The following UBXN7 variants were observed in gnomAD, a reference collection of about 807,000 sequenced individuals.
UBXN7 encodes the protein UBX domain protein 7.
UBXN7 carries 9 observed loss-of-function variants against 58.0 expected under a neutral mutation model. That is an observed-to-expected ratio of 0.16 (90% CI 0.09 to 0.27). The LOEUF is 0.27. Among genes scored for constraint, UBXN7 ranks in the 10% least tolerant of loss-of-function variants. The pLI, the probability that UBXN7 is intolerant of heterozygous loss-of-function variation, is 1.00. For synonymous variants in UBXN7, 208 were observed against 205.0 expected (o/e 1.01, Z -0.12); for missense variants, 328 against 599.6 (o/e 0.55, Z 4.73).
intron 10 of UBXN7, among the ~76,000 whole-genome samples, chr3:196,359,843 T>C (rs560417982): frequency 1.1e-4 from 16 of 151,518 alleles, no homozygotes; most frequent in South Asian, 6.3e-4. Context: ...GAGGCGGAGG[T>C]TGCAGTGAGC....
At chr3:196,413,936 G>A (rs1470908871) in intron 1 of UBXN7, among the ~76,000 whole-genome samples, 1 of 152,154 alleles carries the variant, frequency 6.6e-6, no homozygotes, top group Admixed American at 6.6e-5. Flanking sequence ...GTAAACAGTT[G>A]TTATACTATA....
chr3:196,406,990 C>T (rs1385735658), intron 2 of UBXN7, among the ~76,000 whole-genome samples: 1 of 152,202 alleles, frequency 6.6e-6, no homozygotes, highest in Non-Finnish European at 1.5e-5. Flanking sequence ...CCTAGCAGAG[C>T]ACCACCACAC....
chr3:196,421,292 C>T (rs1560244537), intron 1 of UBXN7, among the ~76,000 whole-genome samples: 1 of 152,152 alleles, frequency 6.6e-6, no homozygotes, highest in Admixed American at 6.5e-5. Context: ...GAGTTCCAGG[C>T]CCTGTTCTGC....
At chr3:196,417,791 G>A (rs184643405) in intron 1 of UBXN7, among the ~76,000 whole-genome samples, 74 of 146,812 alleles carry the variant, frequency 5.0e-4, no homozygotes, top group African/African-American at 1.7e-3. Context: ...CAGGCGTGGT[G>A]GCACATGCCT....
At chr3:196,400,687 C>T in intron 3 of UBXN7, 1 of 339,172 alleles carries the variant, frequency 2.9e-6, no homozygotes, top group South Asian at 2.2e-5. Flanking sequence ...CTGCAGTAAG[C>T]AAGGATTGTA....
At chr3:196,398,883 C>T (rs918996571) in intron 3 of UBXN7, among the ~76,000 whole-genome samples, 3 of 152,276 alleles carry the variant, frequency 2.0e-5, no homozygotes, top group Admixed American at 6.5e-5. Flanking sequence ...ACAATCCTCC[C>T]GCCTCAGCCT....
intron 1 of UBXN7, among the ~76,000 whole-genome samples, chr3:196,423,948 G>A (rs1730766267): frequency 6.8e-6 from 1 of 146,462 alleles, no homozygotes; most frequent in African/African-American, 2.6e-5. Flanking sequence ...GGAGTGCAGT[G>A]GCAAGATCTT....
At chr3:196,381,007 C>A (rs905223902) in intron 5 of UBXN7, among the ~76,000 whole-genome samples, 1 of 152,244 alleles carries the variant, frequency 6.6e-6, no homozygotes. Flanking sequence ...CCCACCACAG[C>A]TCAACAAGGC....
chr3:196,422,333 T>C (rs753598996), intron 1 of UBXN7, among the ~76,000 whole-genome samples: 1 of 151,898 alleles, frequency 6.6e-6, no homozygotes, highest in Non-Finnish European at 1.5e-5. Flanking sequence ...AATTAAAAAT[T>C]AGCTGGGCAT....
chr3:196,403,131 A>G, intron 2 of UBXN7, 112 bp from the exon 3 acceptor site: 1 of 1,101,432 alleles, frequency 9.1e-7, no homozygotes, highest in Non-Finnish European at 1.3e-6. Flanking sequence ...TTAGAAGCAC[A>G]GTAATAATAA....
Position 196,391,003 on chromosome 3 carries a change from C to T in UBXN7, c.468+810G>A, listed in dbSNP as rs990714076. ...GTAAGTTAGCATACAACCAAGTAAA[C>T]ATACTCTGGAAAGTTTTTGTTTGGG... On this transcript the variant is annotated intron_variant, in intron 5 of 10. Coordinates refer to ENST00000296328, the MANE Select transcript of UBXN7 (RefSeq NM_015562.2). Among the ~76,000 whole-genome samples, 3 of 152,144 alleles carry T rather than the reference C, an allele frequency of 2.0e-5. 1 individual carries two copies. Among genetic ancestry groups the T allele is most frequent in the South Asian group, 4.1e-4 (2 of 4,830 alleles).
intron 1 of UBXN7, among the ~76,000 whole-genome samples, chr3:196,427,829 C>T (rs1014031374): frequency 6.6e-6 from 1 of 152,140 alleles, no homozygotes; most frequent in African/African-American, 2.4e-5. Flanking sequence ...TTAAATGACA[C>T]AGAAAGCATC....
chr3:196,396,503 C>T (rs1270662080), intron 3 of UBXN7, among the ~76,000 whole-genome samples: 7 of 152,164 alleles, frequency 4.6e-5, no homozygotes, highest in Non-Finnish European at 8.8e-5. Context: ...TAGCTCACGC[C>T]TGTAATCCCA....
intron 10 of UBXN7, among the ~76,000 whole-genome samples, chr3:196,357,558 A>G (rs1464273894): frequency 1.3e-5 from 2 of 152,130 alleles, no homozygotes; most frequent in African/African-American, 4.8e-5. Context: ...GGACAGCTTG[A>G]GCACAGGAGT....
chr3:196,402,905 C>T (rs1730036998), intron 3 of UBXN7, 47 bp downstream of exon 3: 1 of 1,568,042 alleles, frequency 6.4e-7, no homozygotes, highest in African/African-American at 1.4e-5. Context: ...TCATTAAAAT[C>T]CTAAAGAACA....
chr3:196,381,617 C>A (rs1216614980), intron 5 of UBXN7, among the ~76,000 whole-genome samples: 1 of 152,194 alleles, frequency 6.6e-6, no homozygotes, highest in Non-Finnish European at 1.5e-5. Flanking sequence ...AGCAACGGAA[C>A]AACGCTGGAT....
At chr3:196,374,867 G>A (rs569769278) in intron 5 of UBXN7, among the ~76,000 whole-genome samples, 290 of 36,790 alleles carry the variant, frequency 7.9e-3, no homozygotes, top group Non-Finnish European at 0.014. Flanking sequence ...ACAGAGTGAG[G>A]GGAGGGGAGG....
intron 5 of UBXN7, among the ~76,000 whole-genome samples, chr3:196,374,424 C>G (rs1013830254): frequency 6.6e-6 from 1 of 151,982 alleles, no homozygotes; most frequent in Non-Finnish European, 1.5e-5. Flanking sequence ...AAAATCTTTG[C>G]CTTTGTGAAG....
chr3:196,363,879 C>T (rs892967282), intron 8 of UBXN7, among the ~76,000 whole-genome samples: 8 of 150,746 alleles, frequency 5.3e-5, no homozygotes, highest in Non-Finnish European at 8.9e-5. Flanking sequence ...CCAGAGATTG[C>T]GCCACTGCAC....
Sources: allele counts gnomAD v4.1 joint callset (sites outside exome capture counted in the v4.1 genomes callset), GRCh38; gene constraint gnomAD v4.1.1; transcripts MANE v1.5; gene names NCBI Gene and HGNC (gene_info 2026-07-23, HGNC 2026-07-21).